Variants in GEM observed in about 807,000 individuals in gnomAD.
GEM encodes the protein GTP-binding protein GEM.
In GEM, 31 loss-of-function variants were observed where a neutral mutation model predicts 33.0. The ratio of observed to expected loss-of-function variants is 0.94; its 90% CI spans 0.71 to 1.27. GEM has a LOEUF of 1.27. Among genes scored for constraint, GEM ranks in the 50% most tolerant of loss-of-function variants. The pLI is 0.00. For missense variants in GEM, 354 were observed against 390.5 expected (o/e 0.91, Z 0.79); for synonymous variants, 141 against 143.7 (o/e 0.98, Z 0.13).
At chr8:94,252,324 A>G in intron 3 of GEM, 101 bp from the exon 4 acceptor site, 1 of 747,014 alleles carries the variant, frequency 1.3e-6, no homozygotes. Context: ...ACACTTGCTG[A>G]TAGGAAAAAT....
At position 94,249,690 on chromosome 8, in the gene GEM, A is replaced by G. The variant is rs1808718885; in HGVS notation, c.*620T>C. Reference sequence around the variant, plus strand: ...TGTAAGATATAATTTTTGAGCCTATAAGGGACACATGTATCAGTTCCCAAT... The same window carrying G: ...TGTAAGATATAATTTTTGAGCCTATGAGGGACACATGTATCAGTTCCCAAT... On this transcript the variant is annotated 3_prime_UTR_variant, in exon 5 of 5. Transcript: ENST00000297596. The G allele has an allele frequency of 6.6e-6, 1 of 152,188 alleles. No individual in the cohort carries two copies. 9.4% of individuals were successfully genotyped at this position (152,188 alleles called of 1,614,324 possible). A position where few individuals can be genotyped will look rare whatever the true frequency, so the allele number is the denominator to read the frequency against.
At chr8:94,255,121 TGATG>T (rs1808859895) in intron 2 of GEM, among the ~76,000 whole-genome samples, 1 of 152,136 alleles carries the variant, frequency 6.6e-6, no homozygotes, top group Admixed American at 6.5e-5. Flanking sequence ...ACTCCTTCAA[TGATG>T]GAGGAACTTT....
In GEM at chr8:94,260,391, TG is replaced by T. The variant is rs1808994043; in HGVS notation, c.112del (p.His38ThrfsTer44). On this transcript the variant is annotated frameshift_variant, in exon 2 of 5. Coordinates refer to ENST00000297596, the MANE Select transcript of GEM (RefSeq NM_005261.4). LOFTEE classifies it high-confidence loss of function. ...ATGGCGGTTGCGGTGGCTGTACTGG[TG>T]GGGCTCTTTCTGGACCATCAGATGC... ...GRHLMVQKEP[H>X]QYSHRNRHSA... 2 of 1,613,852 alleles carry T rather than the reference TG, an allele frequency of 1.2e-6. No individual in the cohort carries two copies. The highest frequency in any genetic ancestry group is 2.2e-5 in the East Asian group (1 of 44,884).
At chr8:94,257,783 C>T (rs1223200388) in intron 2 of GEM, among the ~76,000 whole-genome samples, 1 of 151,612 alleles carries the variant, frequency 6.6e-6, no homozygotes, top group African/African-American at 2.4e-5. Context: ...TGTAGTGTAA[C>T]TGTAACAATA....
Position 94,252,119 on chromosome 8 carries a change from C to T in GEM, c.513G>A (p.Leu171=), listed in dbSNP as rs758865296. The T allele has an allele frequency of 1.2e-6, 2 of 1,614,034 alleles. No individual in the cohort carries two copies. The highest frequency in any genetic ancestry group is 1.7e-6 in the Non-Finnish European group (2 of 1,179,906). ...GCCGGGCCCTGCGGAGCTGGATTCG[C>T]AGCTCAGATGCCTTCTCGAAGCTCG... ...DRASFEKASE[L]RIQLRRARQT... The change falls in exon 4 of 5, where the codon CTG becomes CTA. Residue 171 remains leucine (L), a synonymous_variant. Transcript: ENST00000297596.
Position 94,262,141 on chromosome 8 carries a change from G to C in GEM, c.-61C>G, listed in dbSNP as rs1472821889. 3 of 152,176 alleles carry C rather than the reference G, an allele frequency of 2.0e-5. No homozygotes were observed. The highest frequency in any genetic ancestry group is 7.2e-5 in the African/African-American group (3 of 41,430). The allele number at this position is 152,176 out of a possible 1,614,324, so 9.4% of individuals were successfully genotyped here. A position where few individuals can be genotyped will look rare whatever the true frequency, so the allele number is the denominator to read the frequency against. ...TTCCAGGGGTTCTTTTCTCAACTTC[G>C]AAAGTTCTGCGGGCTGGGAAACTCC... On this transcript the variant is annotated 5_prime_UTR_variant, in exon 1 of 5. Transcript: ENST00000297596.
At position 94,252,144 on chromosome 8, in the gene GEM, G is replaced by A. The variant is rs748020922; in HGVS notation, c.488C>T (p.Ala163Val). 69 of 1,612,968 alleles carry A rather than the reference G, an allele frequency of 4.3e-5. No individual in the cohort carries two copies. Among genetic ancestry groups the A allele is most frequent in the Non-Finnish European group, 5.3e-5 (63 of 1,179,110 alleles). ...CAGCTCAGATGCCTTCTCGAAGCTC[G>A]CTCGGTCTGTGATTGAGTAGACAAT... ...YLIVYSITDRASFEKASELRI... is the reference protein window; with the variant it reads ...YLIVYSITDRVSFEKASELRI... Residue 163 changes from alanine (A) to valine (V), a missense_variant, in exon 4 of 5, where the codon GCG (alanine) becomes GTG (valine). By Grantham distance (64) the Ala-to-Val change is moderately conservative (BLOSUM62 0). Coordinates refer to ENST00000297596, the MANE Select transcript of GEM (RefSeq NM_005261.4).
At chr8:94,259,971 T>G in intron 2 of GEM, 1 of 496,462 alleles carries the variant, frequency 2.0e-6, no homozygotes. Flanking sequence ...GATCAACAGA[T>G]TTTGGTCCTG....
chr8:94,260,664 C>T, intron 1 of GEM, 152 bp from the exon 2 acceptor site: 2 of 589,478 alleles, frequency 3.4e-6, no homozygotes, highest in Non-Finnish European at 6.0e-6. Context: ...GTCCCCCAAA[C>T]CCCAACAAGA....
intron 2 of GEM, among the ~76,000 whole-genome samples, chr8:94,253,510 A>G (rs1310744023): frequency 6.6e-6 from 1 of 152,226 alleles, no homozygotes; most frequent in African/African-American, 2.4e-5. Context: ...CCACATTTTC[A>G]TAAGTCCATT....
intron 1 of GEM, 192 bp from the exon 2 acceptor site, chr8:94,260,704 C>T: frequency 1.8e-6 from 1 of 546,798 alleles, no homozygotes; most frequent in South Asian, 2.7e-5. Flanking sequence ...ACACATGCTG[C>T]CCACACTGTC....
chr8:94,252,128 T>A lies in GEM; in HGVS notation c.504A>T (p.Ala168=). 6.2e-7 allele frequency: 1 copy of A among 1,613,842 alleles called. No homozygotes were observed. The highest frequency in any genetic ancestry group is 8.5e-7 in the Non-Finnish European group (1 of 1,179,706). ...SITDRASFEK[A]SELRIQLRRA... is the part of the protein sequence containing the mutation. Reference sequence around the variant, plus strand: ...TGCGGAGCTGGATTCGCAGCTCAGATGCCTTCTCGAAGCTCGCTCGGTCTG... The same window carrying A: ...TGCGGAGCTGGATTCGCAGCTCAGAAGCCTTCTCGAAGCTCGCTCGGTCTG... Residue 168 remains alanine, a synonymous_variant, in exon 4 of 5, where the codon GCA becomes GCT. Transcript: ENST00000297596.
rs1286096333 is a variant in GEM at position 94,260,304 on chromosome 8, A to G, written c.200T>C (p.Ile67Thr). 8.1e-6 allele frequency: 13 copies of G among 1,613,750 alleles called. No individual in the cohort carries two copies. The highest frequency in any genetic ancestry group is 1.1e-5 in the South Asian group (1 of 91,078). The stretch of plus-strand genomic sequence containing the variant: ...GTAGGTGTTCCCTGACTCAGAGGAG[A>G]TGACTGAGTCTGTGGAGTCAGAGGA... Reference protein sequence around the residue: ...SWSSDSTDSVISSESGNTYYR... With the variant: ...SWSSDSTDSVTSSESGNTYYR... The change falls in exon 2 of 5, where the codon ATC becomes ACC. Residue 67 changes from isoleucine to threonine, a missense_variant. Transcript: ENST00000297596.
At position 94,250,276 on chromosome 8, in the gene GEM, G is replaced by A; in HGVS notation, c.*34C>T. The A allele has an allele frequency of 1.3e-6, 2 of 1,558,466 alleles. No homozygotes were observed. The highest frequency in any genetic ancestry group is 1.8e-6 in the Non-Finnish European group (2 of 1,142,048). ...TTGGTCCCAATGGCCTTCAACAACG[G>A]CCATCAAAGGGACATCTGGGTGACC... On this transcript the variant is annotated 3_prime_UTR_variant, in exon 5 of 5. Coordinates refer to ENST00000297596, the MANE Select transcript of GEM (RefSeq NM_005261.4).
At position 94,249,255 on chromosome 8, in the gene GEM, T is replaced by C. The variant is rs532507604; in HGVS notation, c.*1055A>G. ...GAGGAAAATCAATCAAGAATGCCTT[T>C]TTTCAAATATTTTATTTCTTTTATT... On this transcript the variant is annotated 3_prime_UTR_variant, in exon 5 of 5. Transcript: ENST00000297596. 1 of 152,338 alleles carries C rather than the reference T, an allele frequency of 6.6e-6. No individual in the cohort carries two copies. The highest frequency in any genetic ancestry group is 2.1e-4 in the South Asian group (1 of 4,832). The allele number at this position is 152,338 out of a possible 1,614,324, so 9.4% of individuals were successfully genotyped here.
At chr8:94,254,121 C>T (rs1808837000) in intron 2 of GEM, among the ~76,000 whole-genome samples, 1 of 152,166 alleles carries the variant, frequency 6.6e-6, no homozygotes, top group Admixed American at 6.5e-5. Flanking sequence ...AATTGCAACA[C>T]TTCTATCCCA....
rs908883901 is a variant in GEM, at chr8:94,260,566, C to T, written c.-9-54G>A. 3.4e-5 allele frequency: 32 copies of T among 951,470 alleles called. No homozygotes were observed. In the East Asian group the frequency reaches 4.0e-4, roughly 12 times the overall value. 58.9% of individuals were successfully genotyped at this position (951,470 alleles called of 1,614,324 possible). A position where few individuals can be genotyped will look rare whatever the true frequency, so the allele number is the denominator to read the frequency against. On this transcript the variant is annotated intron_variant, in intron 1 of 4. Transcript: ENST00000297596. ...CATTAGTAAGCATGAGTGAGAGCTC[C>T]GCTCAAATACATGGTCAGTCATCAG...
intron 2 of GEM, among the ~76,000 whole-genome samples, chr8:94,257,777 G>A (rs191795510): frequency 1.3e-5 from 2 of 151,744 alleles, no homozygotes; most frequent in Non-Finnish European, 2.9e-5. Flanking sequence ...GATTACTGTA[G>A]TGTAACTGTA....
At chr8:94,259,593 A>G (rs1379059998) in intron 2 of GEM, among the ~76,000 whole-genome samples, 3 of 152,240 alleles carry the variant, frequency 2.0e-5, no homozygotes, top group African/African-American at 4.8e-5. Flanking sequence ...CAATAAATAG[A>G]TGAAATTGTA....
Sources: gnomAD v4.1 joint callset for allele counts (sites outside exome capture counted in the v4.1 genomes callset) on GRCh38, gnomAD v4.1.1 for gene constraint, MANE v1.5 for transcripts, NCBI Gene and HGNC (gene_info 2026-07-23, HGNC 2026-07-21) for gene names.